CNIH3: variants seen among roughly 807,000 people sequenced by gnomAD.
CNIH3 encodes cornichon family AMPA receptor auxiliary protein 3.
Under a neutral mutation model 24.1 loss-of-function variants are expected in CNIH3, and 14 were observed. That is an observed-to-expected ratio of 0.58 (90% CI 0.38 to 0.91). The LOEUF is 0.91. Ranked by LOEUF, CNIH3 falls within the 40% of genes least tolerant of loss-of-function variation. CNIH3 has a pLI of 0.00. For synonymous variants in CNIH3, 68 were observed against 73.8 expected (o/e 0.92, Z 0.40); for missense variants, 178 against 196.8 (o/e 0.90, Z 0.57).
chr1:224,635,079 T>C (rs1413105127), intron 1 of CNIH3, among the ~76,000 whole-genome samples: 1 of 151,704 alleles, frequency 6.6e-6, no homozygotes, highest in Non-Finnish European at 1.5e-5. Flanking sequence ...TCTGCATGGC[T>C]GGAGAGGCCT....
At chr1:224,717,186 T>G (rs2125214547) in intron 3 of CNIH3, among the ~76,000 whole-genome samples, 1 of 152,322 alleles carries the variant, frequency 6.6e-6, no homozygotes, top group African/African-American at 2.4e-5. Flanking sequence ...AGATGGTGGC[T>G]TAACAGAAAT....
chr1:224,646,428 C>T (rs749009608), intron 1 of CNIH3, among the ~76,000 whole-genome samples: 22 of 152,188 alleles, frequency 1.4e-4, no homozygotes, highest in Non-Finnish European at 2.5e-4. Context: ...TGTTTTGAGA[C>T]GGTGTCTCAC....
chr1:224,628,285 A>T (rs949639531), intron 1 of CNIH3, among the ~76,000 whole-genome samples: 1 of 152,156 alleles, frequency 6.6e-6, no homozygotes, highest in Non-Finnish European at 1.5e-5. Context: ...TAAAATACGT[A>T]TATGACATTT....
intron 1 of CNIH3, among the ~76,000 whole-genome samples, chr1:224,452,406 T>G (rs1268450612): frequency 1.3e-5 from 2 of 151,944 alleles, no homozygotes; most frequent in Non-Finnish European, 2.9e-5. Flanking sequence ...CACTTCAGCC[T>G]TACAAAGTGC....
chr1:224,466,935 C>T (rs559245246), intron 1 of CNIH3, among the ~76,000 whole-genome samples: 77 of 152,254 alleles, frequency 5.1e-4, no homozygotes, highest in African/African-American at 1.8e-3. Context: ...GTTTGCTTTT[C>T]TACTGTTGAG....
At chr1:224,738,699 A>G (rs985680877) in intron 5 of CNIH3, among the ~76,000 whole-genome samples, 3 of 152,142 alleles carry the variant, frequency 2.0e-5, no homozygotes, top group Non-Finnish European at 4.4e-5. Context: ...ACAGGGATAC[A>G]TGTCCCCTTC....
intron 1 of CNIH3, among the ~76,000 whole-genome samples, chr1:224,473,496 A>G (rs894201233): frequency 2.6e-5 from 4 of 152,238 alleles, no homozygotes; most frequent in Admixed American, 6.5e-5. Flanking sequence ...GAGCAAGAGT[A>G]GCTATACTTA....
rs1045461039 is a variant in CNIH3 at position 224,667,899 on chromosome 1, G to A, written c.82-13059G>A. Among the ~76,000 whole-genome samples the A allele has an allele frequency of 4.6e-5, 7 of 152,176 alleles. 1 individual carries two copies. Among genetic ancestry groups the A allele is most frequent in the Admixed American group, 3.9e-4 (6 of 15,290 alleles). On this transcript the variant is annotated intron_variant, in intron 1 of 5. Coordinates refer to ENST00000272133, the MANE Select transcript of CNIH3 (RefSeq NM_152495.2). ...GTCAAGTCTGTGTCTCTCACTGGTA[G>A]CGTGGATAGACAAAGTATAGTGGCC...
At chr1:224,636,340 C>T (rs915486637) in intron 1 of CNIH3, among the ~76,000 whole-genome samples, 1 of 152,212 alleles carries the variant, frequency 6.6e-6, no homozygotes, top group Non-Finnish European at 1.5e-5. Flanking sequence ...CTAAGATCAC[C>T]TGGTTCTGTC....
chr1:224,597,355 C>T (rs1197560806), intron 3 of CNIH3, among the ~76,000 whole-genome samples: 1 of 152,150 alleles, frequency 6.6e-6, no homozygotes, highest in African/African-American at 2.4e-5. Flanking sequence ...TATGAGACCT[C>T]CATTTCAGAA....
rs188140964 is a variant in CNIH3 at position 224,527,596 on chromosome 1, C to T, written n.343+6269C>T. ...ACAACATGATTTTACTAAAACCCTA[C>T]GATGGAATCTTATGCAGAATTTTAT... On this transcript the variant is annotated intron_variant and non_coding_transcript_variant, in intron 2 of 2. Coordinates refer to the CNIH3 transcript ENST00000470602. 6.6e-5 allele frequency among the ~76,000 whole-genome samples: 10 copies of T among 152,054 alleles called. No homozygotes were observed. In the East Asian group the frequency reaches 1.5e-3, roughly 24 times the overall value.
chr1:224,564,990 C>T (rs1035871517), intron 3 of CNIH3, among the ~76,000 whole-genome samples: 5 of 152,204 alleles, frequency 3.3e-5, no homozygotes, highest in African/African-American at 1.2e-4. Context: ...CCCCTTCAGT[C>T]TCACATCACA....
intron 1 of CNIH3, among the ~76,000 whole-genome samples, chr1:224,480,817 A>T (rs903186616): frequency 2.0e-4 from 30 of 152,206 alleles, no homozygotes; most frequent in African/African-American, 6.3e-4. Flanking sequence ...TCTCTGAGGA[A>T]GTTCCAAACT....
chr1:224,480,226 C>T (rs535156331), intron 1 of CNIH3, among the ~76,000 whole-genome samples: 6 of 152,312 alleles, frequency 3.9e-5, no homozygotes, highest in South Asian at 4.1e-4. Context: ...CTTTTAGTCA[C>T]GGCTGAAGTG....
At chr1:224,718,742 T>C (rs1561109) in intron 3 of CNIH3, among the ~76,000 whole-genome samples, 79,503 of 151,672 alleles carry the variant, frequency 0.52, 21,464 homozygotes, top group East Asian at 0.79. Flanking sequence ...AGCCTGTTCT[T>C]TGATGTGGGA....
chr1:224,483,899 G>A (rs1018627913), intron 1 of CNIH3, among the ~76,000 whole-genome samples: 4 of 152,134 alleles, frequency 2.6e-5, no homozygotes, highest in East Asian at 1.9e-4. Context: ...GGCTGGGTGC[G>A]TTGGCTCACG....
Position 224,497,568 on chromosome 1 carries a change from T to C in CNIH3, n.204-18173T>C, listed in dbSNP as rs1666927541. 2.6e-5 allele frequency among the ~76,000 whole-genome samples: 4 copies of C among 152,220 alleles called. No individual in the cohort carries two copies. In the South Asian group the frequency reaches 8.3e-4, roughly 31 times the overall value. On this transcript the variant is annotated intron_variant and non_coding_transcript_variant, in intron 1 of 5. Coordinates refer to the CNIH3 transcript ENST00000471578. Reference sequence around the variant, plus strand: ...TTGCTGTGAAGATTAGATAAGATAATGCATATGACAGACTTAGCTGCAAGA... The same window carrying C: ...TTGCTGTGAAGATTAGATAAGATAACGCATATGACAGACTTAGCTGCAAGA...
intron 4 of CNIH3, chr1:224,574,882 TG>T: frequency 9.9e-7 from 1 of 1,010,230 alleles, no homozygotes; most frequent in Non-Finnish European, 1.6e-6. Context: ...ATGGAAGAGC[TG>T]GTGGATGAAG....
intron 1 of CNIH3, among the ~76,000 whole-genome samples, chr1:224,501,488 G>A (rs947916884): frequency 2.7e-5 from 4 of 149,842 alleles, no homozygotes; most frequent in African/African-American, 9.9e-5. Flanking sequence ...TCAGCAGACA[G>A]CAGCATAGGC....
Sources: gnomAD v4.1 joint callset for allele counts (sites outside exome capture counted in the v4.1 genomes callset) on GRCh38, gnomAD v4.1.1 for gene constraint, MANE v1.5 for transcripts, NCBI Gene and HGNC (gene_info 2026-07-23, HGNC 2026-07-21) for gene names.